IMMP2L: variants seen among roughly 807,000 people sequenced by gnomAD.
IMMP2L encodes inner mitochondrial membrane peptidase subunit 2.
IMMP2L carries 18 observed loss-of-function variants against 19.3 expected under a neutral mutation model. The observed-to-expected ratio is 0.93, with a 90% CI of 0.64 to 1.38. IMMP2L has a LOEUF of 1.38. IMMP2L is among the 40% of genes most tolerant of loss of function. IMMP2L has a pLI of 0.00. For missense variants in IMMP2L, 233 were observed against 218.2 expected, an observed-to-expected ratio of 1.07 and a Z score of -0.43; for synonymous variants, 76 against 73.0, an observed-to-expected ratio of 1.04 and a Z score of -0.21.
At chr7:110,980,010 C>T (rs1821099429) in intron 3 of IMMP2L, among the ~76,000 whole-genome samples, 1 of 152,036 alleles carries the variant, frequency 6.6e-6, no homozygotes, top group Non-Finnish European at 1.5e-5. Context: ...TAATCAAGTG[C>T]TATCATATTT....
chr7:111,264,718 C>T (rs1817657935), intron 3 of IMMP2L, among the ~76,000 whole-genome samples: 1 of 150,802 alleles, frequency 6.6e-6, no homozygotes, highest in Non-Finnish European at 1.5e-5. Context: ...TACCTTAATG[C>T]CAGGGATACT....
At chr7:110,785,539 T>A in intron 5 of IMMP2L, among the ~76,000 whole-genome samples, 1 of 151,914 alleles carries the variant, frequency 6.6e-6, no homozygotes, top group East Asian at 1.9e-4. Context: ...TCCCATTTTG[T>A]CATTAGATTA....
chr7:110,990,317 T>C (rs1308630155), intron 3 of IMMP2L, among the ~76,000 whole-genome samples: 1 of 152,176 alleles, frequency 6.6e-6, no homozygotes, highest in Non-Finnish European at 1.5e-5. Context: ...CAAATAATCC[T>C]AGCCAAAGAT....
chr7:111,370,788 T>C (rs966755061), intron 3 of IMMP2L, among the ~76,000 whole-genome samples: 8 of 151,946 alleles, frequency 5.3e-5, no homozygotes, highest in African/African-American at 1.7e-4. Flanking sequence ...AATTATTCCA[T>C]AGTTTCTTAA....
At chr7:111,044,810 A>G (rs1028881920) in intron 3 of IMMP2L, among the ~76,000 whole-genome samples, 3 of 152,180 alleles carry the variant, frequency 2.0e-5, no homozygotes, top group Admixed American at 6.5e-5. Flanking sequence ...AAGTGAACTA[A>G]TGAATGACAA....
chr7:110,733,065 G>A (rs748589226), intron 5 of IMMP2L, among the ~76,000 whole-genome samples: 4 of 152,162 alleles, frequency 2.6e-5, no homozygotes, highest in Non-Finnish European at 5.9e-5. Flanking sequence ...ACAGGTGTGA[G>A]CCACTGCACC....
intron 3 of IMMP2L, among the ~76,000 whole-genome samples, chr7:111,211,821 G>A (rs1363450851): frequency 1.3e-5 from 2 of 151,974 alleles, no homozygotes; most frequent in East Asian, 1.9e-4. Flanking sequence ...GTGAAACCCC[G>A]TCTCTACTAA....
chr7:110,750,387 T>G (rs1797646852), intron 5 of IMMP2L, among the ~76,000 whole-genome samples: 1 of 152,060 alleles, frequency 6.6e-6, no homozygotes, highest in African/African-American at 2.4e-5. Flanking sequence ...TTGAAACCCC[T>G]GGAAAAACAG....
chr7:110,999,503 A>C (rs2129560998), intron 3 of IMMP2L, among the ~76,000 whole-genome samples: 1 of 151,326 alleles, frequency 6.6e-6, no homozygotes, highest in South Asian at 2.1e-4. Context: ...TGTATTCTCT[A>C]GTAGTACTCT....
In IMMP2L at chr7:110,680,267, G is replaced by C. The variant is rs1792619477; in HGVS notation, c.409-16546C>G. On this transcript the variant is annotated intron_variant, in intron 5 of 5. Coordinates refer to ENST00000405709, the MANE Select transcript of IMMP2L (RefSeq NM_032549.4). ...TCTCAACCGTGTTTTTCATATATAA[G>C]ATCTGTTCTAAGTTGTTTGTGGCCA... Among the ~76,000 whole-genome samples, 6 of 152,166 alleles carry C rather than the reference G, an allele frequency of 3.9e-5. No homozygotes were observed. The South Asian group carries it at 1.2e-3, about 32-fold the overall frequency.
At chr7:110,880,682 C>T (rs545639658) in intron 5 of IMMP2L, among the ~76,000 whole-genome samples, 60 of 151,978 alleles carry the variant, frequency 3.9e-4, no homozygotes, top group African/African-American at 1.4e-3. Context: ...AGGCTTCAAC[C>T]TCACTTTAAA....
intron 5 of IMMP2L, among the ~76,000 whole-genome samples, chr7:110,789,098 G>T (rs762893271): frequency 6.6e-6 from 1 of 151,694 alleles, no homozygotes; most frequent in Non-Finnish European, 1.5e-5. Flanking sequence ...CTAACTAAAA[G>T]CAAACATCAA....
intron 1 of IMMP2L, among the ~76,000 whole-genome samples, chr7:111,524,239 AT>A (rs1280953178): frequency 6.6e-6 from 1 of 151,996 alleles, no homozygotes; most frequent in Non-Finnish European, 1.5e-5. Flanking sequence ...TATTCTTTTT[AT>A]TGTTTCCAAA....
intron 5 of IMMP2L, among the ~76,000 whole-genome samples, chr7:110,884,610 A>C (rs112235263): frequency 5.1e-4 from 77 of 152,168 alleles, no homozygotes; most frequent in African/African-American, 1.8e-3. Context: ...ACGCAATGGA[A>C]ACATTTCATA....
At chr7:111,410,894 A>G (rs1834349086) in intron 3 of IMMP2L, among the ~76,000 whole-genome samples, 1 of 151,662 alleles carries the variant, frequency 6.6e-6, no homozygotes, top group South Asian at 2.1e-4. Context: ...TCTTGGTAAC[A>G]TGTGAGGGCA....
chr7:110,686,406 C>T (rs1314100563), intron 5 of IMMP2L, among the ~76,000 whole-genome samples: 2 of 151,950 alleles, frequency 1.3e-5, no homozygotes, highest in African/African-American at 4.8e-5. Flanking sequence ...TACCACACTG[C>T]CAATAACCCT....
At chr7:111,268,646 G>A (rs1818113153) in intron 3 of IMMP2L, among the ~76,000 whole-genome samples, 1 of 126,184 alleles carries the variant, frequency 7.9e-6, no homozygotes, top group African/African-American at 3.1e-5. Flanking sequence ...AGACTGGAAT[G>A]CAGTGGCATG....
At chr7:111,548,825 C>A (rs1849182618) in intron 1 of IMMP2L, among the ~76,000 whole-genome samples, 1 of 152,126 alleles carries the variant, frequency 6.6e-6, no homozygotes, top group South Asian at 2.1e-4. Flanking sequence ...TTCTACCTTG[C>A]CCTCGTGGCT....
intron 3 of IMMP2L, among the ~76,000 whole-genome samples, chr7:111,186,612 G>A (rs1808294295): frequency 6.6e-6 from 1 of 151,920 alleles, no homozygotes; most frequent in Admixed American, 6.6e-5. Context: ...TGTATTTTTA[G>A]TAGAAACGGG....
Sources: allele counts gnomAD v4.1 joint callset (sites outside exome capture counted in the v4.1 genomes callset), GRCh38; gene constraint gnomAD v4.1.1; transcripts MANE v1.5; gene names NCBI Gene and HGNC (gene_info 2026-07-23, HGNC 2026-07-21).